Variants in ASTN2 observed in about 807,000 individuals in gnomAD.
ASTN2 encodes astrotactin-2.
Under a neutral mutation model 139.8 loss-of-function variants are expected in ASTN2, and 54 were observed. The ratio of observed to expected loss-of-function variants is 0.39; its 90% CI spans 0.31 to 0.48. The LOEUF (loss-of-function observed/expected upper bound fraction) is 0.48. Among genes scored for constraint, ASTN2 ranks in the 20% least tolerant of loss-of-function variants. The probability of loss-of-function intolerance (pLI) is 0.95; values close to 1 mark genes in which losing one functional copy is unlikely to be tolerated. For synonymous variants in ASTN2, 756 were observed against 719.5 expected (o/e 1.05, Z -0.81); for missense variants, 1,565 against 1,725.1 (o/e 0.91, Z 1.64).
chr9:116,885,140 G>T (rs542487829), intron 10 of ASTN2, among the ~76,000 whole-genome samples: 1 of 152,134 alleles, frequency 6.6e-6, no homozygotes, highest in East Asian at 1.9e-4. Context: ...ATGGTCATGG[G>T]TGAAGAGAGG....
chr9:116,887,943 C>T (rs527637932), intron 10 of ASTN2, among the ~76,000 whole-genome samples: 12 of 152,310 alleles, frequency 7.9e-5, no homozygotes, highest in Admixed American at 5.9e-4. Flanking sequence ...GCTGGGATAA[C>T]AGGCGTGAGC....
At chr9:117,025,488 A>G (rs560560366) in intron 6 of ASTN2, among the ~76,000 whole-genome samples, 7 of 152,216 alleles carry the variant, frequency 4.6e-5, no homozygotes, top group African/African-American at 1.4e-4. Flanking sequence ...TGCCCAGCAC[A>G]TTAATGCTTC....
intron 10 of ASTN2, among the ~76,000 whole-genome samples, chr9:116,867,507 G>A (rs181814937): frequency 7.5e-6 from 1 of 133,698 alleles, no homozygotes; most frequent in East Asian, 2.3e-4. Context: ...CCAAGATCGC[G>A]CCACTGCACT....
At chr9:116,452,767 A>T (rs1019513360) in intron 20 of ASTN2, among the ~76,000 whole-genome samples, 1 of 152,190 alleles carries the variant, frequency 6.6e-6, no homozygotes, top group Non-Finnish European at 1.5e-5. Flanking sequence ...TTAGGCATTC[A>T]TTGGTCCCAA....
At chr9:117,045,946 C>A (rs1200314206) in intron 5 of ASTN2, among the ~76,000 whole-genome samples, 1 of 149,798 alleles carries the variant, frequency 6.7e-6, no homozygotes, top group Non-Finnish European at 1.5e-5. Flanking sequence ...GGGAAAGAGG[C>A]TGGGCTTTTG....
chr9:117,141,753 G>A (rs2132858550), intron 3 of ASTN2, among the ~76,000 whole-genome samples: 1 of 152,308 alleles, frequency 6.6e-6, no homozygotes, highest in East Asian at 1.9e-4. Context: ...AGAGGGCTTG[G>A]TCGTGAAATG....
chr9:116,699,814 C>G lies in ASTN2; in HGVS notation c.2806+25957G>C. ...GACTCAGCCTATGTCCTGATTCCAG[C>G]TGGGTAGTTCTAGAACTTCAGAAGC... On this transcript the variant is annotated intron_variant, in intron 16 of 22. Transcript: ENST00000313400. This position sits in a 1 kb window ranked among gnomAD's most constrained non-coding sequence, Gnocchi z 4.2. The G allele has an allele frequency of 1.4e-6, 2 of 1,471,534 alleles. No individual in the cohort carries two copies. Among genetic ancestry groups the G allele is most frequent in the Non-Finnish European group, 1.9e-6 (2 of 1,063,622 alleles). 91.2% of individuals were successfully genotyped at this position (1,471,534 alleles called of 1,614,324 possible).
chr9:116,846,568 A>G (rs762181197), intron 11 of ASTN2, among the ~76,000 whole-genome samples: 5 of 152,174 alleles, frequency 3.3e-5, no homozygotes, highest in African/African-American at 7.2e-5. Context: ...TTGCTCACAC[A>G]CACTGATCAC....
chr9:117,114,323 A>C (rs966137294), intron 4 of ASTN2, among the ~76,000 whole-genome samples: 2 of 152,290 alleles, frequency 1.3e-5, no homozygotes, highest in South Asian at 2.1e-4. Context: ...GCAGAGCAGT[A>C]ATCCCAGAGG....
chr9:116,808,465 T>C (rs1269465872), intron 12 of ASTN2, among the ~76,000 whole-genome samples: 1 of 152,230 alleles, frequency 6.6e-6, no homozygotes, highest in Non-Finnish European at 1.5e-5. Context: ...CTGATGCAAT[T>C]TCTTGGAGAT....
At chr9:117,157,622 G>A (rs1351571050) in intron 3 of ASTN2, among the ~76,000 whole-genome samples, 1 of 151,994 alleles carries the variant, frequency 6.6e-6, no homozygotes, top group Admixed American at 6.6e-5. Flanking sequence ...TGGATGTTGA[G>A]TATGGTATAT....
At chr9:117,125,661 G>A (rs931877904) in intron 4 of ASTN2, among the ~76,000 whole-genome samples, 1 of 152,050 alleles carries the variant, frequency 6.6e-6, no homozygotes, top group Non-Finnish European at 1.5e-5. Flanking sequence ...TCATGATGAG[G>A]GTAAGCATTA....
chr9:116,493,025 T>C (rs1246997383), intron 19 of ASTN2, among the ~76,000 whole-genome samples: 2 of 152,216 alleles, frequency 1.3e-5, no homozygotes, highest in East Asian at 3.9e-4. Flanking sequence ...AAACTGTTTA[T>C]AAAAGTTGGT....
chr9:116,609,379 G>GTTTATATATATATATATA, intron 19 of ASTN2, among the ~76,000 whole-genome samples: 1 of 116,734 alleles, frequency 8.6e-6, no homozygotes, highest in African/African-American at 3.2e-5. Flanking sequence ...ATATATGGGT[G>GTTTATATATATATATATA]TATATATATA....
chr9:116,805,600 A>C, intron 13 of ASTN2, 32 bp downstream of exon 13: 1 of 1,596,352 alleles, frequency 6.3e-7, no homozygotes, highest in African/African-American at 1.3e-5. Flanking sequence ...TCAGTGACTC[A>C]GACAAGCAAT....
chr9:116,464,642 G>T (rs373419696), intron 20 of ASTN2, among the ~76,000 whole-genome samples: 1 of 152,172 alleles, frequency 6.6e-6, no homozygotes, highest in African/African-American at 2.4e-5. Flanking sequence ...ATATGGGAGT[G>T]GGGGTAGAAT....
chr9:117,393,109 C>T (rs1030611828), intron 1 of ASTN2, among the ~76,000 whole-genome samples: 12 of 152,198 alleles, frequency 7.9e-5, no homozygotes, highest in Admixed American at 4.6e-4. Flanking sequence ...CCCTGAAAGG[C>T]CAGCCCCTCC....
At chr9:116,916,340 C>T (rs962113913) in intron 10 of ASTN2, among the ~76,000 whole-genome samples, 2 of 152,064 alleles carry the variant, frequency 1.3e-5, no homozygotes, top group African/African-American at 4.8e-5. Flanking sequence ...CAACTTTGTC[C>T]AAATTAGCTC....
At chr9:116,800,267 T>A (rs1830809913) in intron 13 of ASTN2, among the ~76,000 whole-genome samples, 1 of 152,174 alleles carries the variant, frequency 6.6e-6, no homozygotes, top group South Asian at 2.1e-4. Flanking sequence ...TGTTCCCTCC[T>A]GCTGTGACAT....
Sources: allele counts gnomAD v4.1 joint callset (sites outside exome capture counted in the v4.1 genomes callset), GRCh38; gene constraint gnomAD v4.1.1; non-coding constraint Gnocchi (gnomAD v3.1); transcripts MANE v1.5; gene names NCBI Gene and HGNC (gene_info 2026-07-23, HGNC 2026-07-21).